The following MBNL3 variants were observed in gnomAD, a reference collection of about 807,000 sequenced individuals.
MBNL3 encodes muscleblind-like protein 3.
Under a neutral mutation model 24.5 loss-of-function variants are expected in MBNL3, and 6 were observed. The observed-to-expected ratio is 0.25, with a 90% CI of 0.13 to 0.48. The LOEUF (loss-of-function observed/expected upper bound fraction) is 0.48, where lower values mean the gene tolerates loss of function less well. MBNL3 is among the 20% of genes least tolerant of loss of function. MBNL3 has a pLI of 0.99. For missense variants in MBNL3, 230 were observed against 293.5 expected (o/e 0.78, Z 1.58); for synonymous variants, 100 against 101.7 (o/e 0.98, Z 0.10).
intron 2 of MBNL3, among the ~76,000 whole-genome samples, chrX:132,417,866 G>T (rs1943439271): frequency 1.8e-5 from 2 of 111,760 alleles, no homozygotes; most frequent in African/African-American, 6.5e-5. Flanking sequence ...TAGAGCGAAA[G>T]AAACTAGGTA....
intron 5 of MBNL3, among the ~76,000 whole-genome samples, chrX:132,390,639 A>C (rs1331348429): frequency 8.9e-6 from 1 of 111,989 alleles, no homozygotes; most frequent in East Asian, 2.8e-4. Flanking sequence ...TAAAAGCATT[A>C]GTAAGGCTTT....
intron 1 of MBNL3, among the ~76,000 whole-genome samples, chrX:132,453,516 AC>A (rs1160985586): frequency 1.8e-5 from 2 of 111,766 alleles, no homozygotes; most frequent in African/African-American, 3.3e-5. Context: ...GCATTTTGCT[AC>A]CTACCCATCA....
intron 8 of MBNL3, 122 bp downstream of exon 8, chrX:132,382,056 T>C (rs1935071415): frequency 3.4e-6 from 2 of 588,774 alleles, no homozygotes; most frequent in African/African-American, 4.5e-5. Context: ...AAAATAAAAA[T>C]TCTAAATGTG....
At chrX:132,469,539 T>C (rs1292382099) in intron 1 of MBNL3, among the ~76,000 whole-genome samples, 1 of 112,023 alleles carries the variant, frequency 8.9e-6, no homozygotes, top group Non-Finnish European at 1.9e-5. Flanking sequence ...ACTGTTCCCA[T>C]AAAGAACAAA....
intron 3 of MBNL3, among the ~76,000 whole-genome samples, chrX:132,401,328 A>T (rs1940878556): frequency 9.0e-6 from 1 of 111,677 alleles, no homozygotes. Flanking sequence ...TACAAAAATT[A>T]AAAAGTAGGC....
intron 1 of MBNL3, among the ~76,000 whole-genome samples, chrX:132,445,086 AAG>A (rs2148455567): frequency 8.9e-6 from 1 of 111,891 alleles, no homozygotes; most frequent in African/African-American, 3.2e-5. Context: ...CCAATCACTA[AAG>A]AGGTCTTCCT....
chrX:132,418,738 G>A (rs1943522413), intron 2 of MBNL3, among the ~76,000 whole-genome samples: 1 of 112,251 alleles, frequency 8.9e-6, no homozygotes, highest in Admixed American at 9.4e-5. Context: ...AATGTGTCAA[G>A]GCAATTGAAT....
chrX:132,452,251 G>A (rs1196892701), intron 1 of MBNL3, among the ~76,000 whole-genome samples: 1 of 112,390 alleles, frequency 8.9e-6, no homozygotes, highest in African/African-American at 3.2e-5. Flanking sequence ...GTATGTGCAT[G>A]TGACAGAAAT....
intron 2 of MBNL3, among the ~76,000 whole-genome samples, chrX:132,422,409 T>A (rs1943909867): frequency 1.8e-5 from 2 of 111,958 alleles, no homozygotes; most frequent in Non-Finnish European, 3.8e-5. Context: ...TCCACAAAGA[T>A]AGGGTTCTGT....
At chrX:132,423,175 A>C (rs1017063969) in intron 2 of MBNL3, among the ~76,000 whole-genome samples, 1 of 110,612 alleles carries the variant, frequency 9.0e-6, no homozygotes, top group Non-Finnish European at 1.9e-5. Flanking sequence ...CTATTCTACT[A>C]CTCCTAGGAA....
chrX:132,383,011 C>T (rs998517239), intron 7 of MBNL3, among the ~76,000 whole-genome samples: 2 of 112,377 alleles, frequency 1.8e-5, no homozygotes, highest in African/African-American at 6.5e-5. Context: ...GCTGTGAAAT[C>T]TCTTGCAGGA....
At chrX:132,400,653 A>G (rs1206650813) in intron 3 of MBNL3, among the ~76,000 whole-genome samples, 1 of 111,772 alleles carries the variant, frequency 8.9e-6, no homozygotes, top group Non-Finnish European at 1.9e-5. Context: ...GCATCCCTAA[A>G]CCCCTCATGT....
intron 2 of MBNL3, among the ~76,000 whole-genome samples, chrX:132,414,642 T>C (rs1417092401): frequency 1.8e-5 from 2 of 111,595 alleles, no homozygotes; most frequent in Admixed American, 9.5e-5. Flanking sequence ...TTCCCAACAT[T>C]GTTTAACTCA....
At position 132,374,480 on chromosome X, in the gene MBNL3, C is replaced by T. The variant is rs1385354823; in HGVS notation, c.*5186G>A. ...TGGTGACCTGTAGCAAACTAGAAAG[C>T]CTCCGTAACAGCAAAGCAACATTAT... On this transcript the variant is annotated 3_prime_UTR_variant, in exon 9 of 9. Coordinates refer to ENST00000370853, the MANE Select transcript of MBNL3 (RefSeq NM_001386889.1). 1 of 111,657 alleles carries T rather than the reference C, an allele frequency of 9.0e-6. No homozygotes were observed. The highest frequency in any genetic ancestry group is 9.5e-5 in the Admixed American group (1 of 10,500). 9.2% of individuals were successfully genotyped at this position (111,657 alleles called of 1,213,427 possible).
intron 1 of MBNL3, among the ~76,000 whole-genome samples, chrX:132,486,779 C>T (rs907187284): frequency 9.0e-6 from 1 of 111,351 alleles, no homozygotes; most frequent in African/African-American, 3.3e-5. Flanking sequence ...CCTTTGCTAC[C>T]AGCTCATAAT....
chrX:132,383,894 C>A (rs1392792454), intron 7 of MBNL3, among the ~76,000 whole-genome samples: 1 of 111,547 alleles, frequency 9.0e-6, no homozygotes, highest in African/African-American at 3.3e-5. Context: ...GATCATTTCT[C>A]CTTGCATAGA....
At chrX:132,391,183 T>C in intron 4 of MBNL3, 100 bp from the exon 5 acceptor site, 1 of 555,345 alleles carries the variant, frequency 1.8e-6, no homozygotes, top group Non-Finnish European at 3.0e-6. Flanking sequence ...TAATTATATA[T>C]ACATTGAATA....
chrX:132,455,114 T>C (rs907947163), intron 1 of MBNL3, among the ~76,000 whole-genome samples: 1 of 111,807 alleles, frequency 8.9e-6, no homozygotes, highest in Non-Finnish European at 1.9e-5. Flanking sequence ...ACAGTCATTA[T>C]AAAGTCATCT....
intron 3 of MBNL3, among the ~76,000 whole-genome samples, chrX:132,396,347 T>TATATATATATATTCATATATATATTC: frequency 2.2e-5 from 1 of 44,616 alleles, no homozygotes; most frequent in African/African-American, 2.0e-4. Flanking sequence ...TATATATTCA[T>TATATATATATATTCATATATATATTC]ATATATATAT....
Sources: gnomAD v4.1 joint callset for allele counts (sites outside exome capture counted in the v4.1 genomes callset) on GRCh38, gnomAD v4.1.1 for gene constraint, MANE v1.5 for transcripts, NCBI Gene and HGNC (gene_info 2026-07-23, HGNC 2026-07-21) for gene names.